CDH12: variants seen among roughly 807,000 people sequenced by gnomAD.
CDH12 encodes cadherin 12.
In CDH12, 41 loss-of-function variants were observed where a neutral mutation model predicts 74.1. The observed-to-expected ratio is 0.55, with a 90% CI of 0.43 to 0.72. The LOEUF is 0.72. Among genes scored for constraint, CDH12 ranks in the 30% least tolerant of loss-of-function variants. The pLI is 0.00. For missense variants in CDH12, 945 were observed against 977.2 expected (o/e 0.97, Z 0.44); for synonymous variants, 399 against 355.0 (o/e 1.12, Z -1.39).
intron 1 of CDH12, among the ~76,000 whole-genome samples, chr5:22,529,150 TATATATACAC>T (rs1308625455): frequency 9.0e-6 from 1 of 111,450 alleles, no homozygotes; most frequent in Non-Finnish European, 1.9e-5. Context: ...TATATACACA[TATATATACAC>T]ATGTGTATAT....
At chr5:22,270,792 C>T (rs534754184) in intron 3 of CDH12, among the ~76,000 whole-genome samples, 79 of 152,060 alleles carry the variant, frequency 5.2e-4, no homozygotes, top group Non-Finnish European at 9.9e-4. Context: ...CTGCTTCAGC[C>T]TCCAAAGTAG....
chr5:22,811,024 T>G (rs965281827), intron 1 of CDH12, among the ~76,000 whole-genome samples: 1 of 151,548 alleles, frequency 6.6e-6, no homozygotes, highest in Non-Finnish European at 1.5e-5. Context: ...TATATACATA[T>G]GTACATACAT....
chr5:22,143,997 T>C (rs193237463), intron 4 of CDH12: 321 of 152,190 alleles, frequency 2.1e-3, no homozygotes, highest in African/African-American at 7.3e-3. Flanking sequence ...AACCAGTAAA[T>C]TGCAGATTCT....
At chr5:22,508,497 C>A (rs962860344) in intron 1 of CDH12, among the ~76,000 whole-genome samples, 1 of 152,102 alleles carries the variant, frequency 6.6e-6, no homozygotes, top group Non-Finnish European at 1.5e-5. Context: ...ATAGGTAGAT[C>A]TTTTTCTTCC....
intron 3 of CDH12, among the ~76,000 whole-genome samples, chr5:22,320,932 C>T (rs1052927554): frequency 2.0e-5 from 3 of 152,120 alleles, no homozygotes; most frequent in Non-Finnish European, 4.4e-5. Context: ...TGCAGTGTAT[C>T]ACAGTTCAAC....
intron 4 of CDH12, among the ~76,000 whole-genome samples, chr5:22,154,554 CAT>C (rs1169853012): frequency 6.1e-5 from 9 of 148,504 alleles, no homozygotes; most frequent in Admixed American, 2.7e-4. Context: ...TATGTGTACA[CAT>C]ATATATACAC....
intron 6 of CDH12, among the ~76,000 whole-genome samples, chr5:21,855,076 C>T (rs1335376577): frequency 6.6e-6 from 1 of 151,530 alleles, no homozygotes; most frequent in African/African-American, 2.4e-5. Flanking sequence ...ATTGGCACAC[C>T]AAAGAAAGCA....
chr5:21,856,863 A>G (rs920207478), intron 6 of CDH12, among the ~76,000 whole-genome samples: 10 of 151,874 alleles, frequency 6.6e-5, no homozygotes, highest in Admixed American at 5.9e-4. Context: ...TATCTATAGA[A>G]TTAAAAGTAA....
At chr5:22,120,712 C>T (rs1001630177) in intron 4 of CDH12, among the ~76,000 whole-genome samples, 5 of 152,062 alleles carry the variant, frequency 3.3e-5, no homozygotes, top group Admixed American at 1.3e-4. Flanking sequence ...ATTTTGTTTA[C>T]TTTTCTTTCT....
intron 1 of CDH12, among the ~76,000 whole-genome samples, chr5:22,846,053 G>A (rs180972959): frequency 6.6e-5 from 10 of 152,262 alleles, no homozygotes; most frequent in Non-Finnish European, 1.3e-4. Flanking sequence ...AGGAAGTCAG[G>A]AAGCAGTAGA....
At chr5:21,805,650 C>T (rs1281641885) in intron 9 of CDH12, among the ~76,000 whole-genome samples, 1 of 152,074 alleles carries the variant, frequency 6.6e-6, no homozygotes, top group Non-Finnish European at 1.5e-5. Flanking sequence ...GCAAAGAGAA[C>T]CAGCAGTGAT....
At chr5:22,306,060 C>G (rs1014239785) in intron 3 of CDH12, among the ~76,000 whole-genome samples, 1 of 152,136 alleles carries the variant, frequency 6.6e-6, no homozygotes, top group Non-Finnish European at 1.5e-5. Context: ...TTATAATTCT[C>G]TCCCTGTGCC....
chr5:22,387,533 T>C (rs1742050573), intron 3 of CDH12, among the ~76,000 whole-genome samples: 1 of 152,164 alleles, frequency 6.6e-6, no homozygotes, highest in Non-Finnish European at 1.5e-5. Flanking sequence ...ATTGACTTTG[T>C]AGCACAAAAG....
chr5:21,751,808 C>T lies in CDH12; in HGVS notation c.2314G>A (p.Gly772Arg), dbSNP rs1480755850. 4 of 1,614,010 alleles carry T rather than the reference C, an allele frequency of 2.5e-6. No individual in the cohort carries two copies. The highest frequency in any genetic ancestry group is 1.1e-5 in the South Asian group (1 of 91,068). The stretch of plus-strand genomic sequence containing the variant: ...TCTGCCAAGACTTTAAAGCGGGGTC[C>T]CCAGTCTGTCAGATAGTCATAGTCC... ...DQDYDYLTDWGPRFKVLADMF... is the reference protein window; with the variant it reads ...DQDYDYLTDWRPRFKVLADMF... Residue 772 changes from glycine (G) to arginine (R), a missense_variant, in exon 15 of 15, where the codon GGA becomes AGA. This residue lies in a region of CDH12 where 791 missense variants were observed against 792.8 expected (regional missense o/e 1.00). Transcript: ENST00000382254.
intron 1 of CDH12, among the ~76,000 whole-genome samples, chr5:22,792,191 C>A (rs780890439): frequency 6.7e-6 from 1 of 150,036 alleles, no homozygotes; most frequent in African/African-American, 2.5e-5. Context: ...TGGGTTCAGG[C>A]GATTCTCCTG....
At chr5:22,822,737 G>A (rs1267236940) in intron 1 of CDH12, among the ~76,000 whole-genome samples, 2 of 152,038 alleles carry the variant, frequency 1.3e-5, no homozygotes, top group South Asian at 2.1e-4. Context: ...GAAACAACAG[G>A]TGCTGGAGAG....
intron 12 of CDH12, among the ~76,000 whole-genome samples, chr5:21,760,969 A>G (rs1047432263): frequency 6.6e-6 from 1 of 152,182 alleles, no homozygotes; most frequent in Non-Finnish European, 1.5e-5. Context: ...ATTAAAATGT[A>G]CTTGCTTGCA....
chr5:22,327,288 A>G lies in CDH12; in HGVS notation c.-333+77969T>C, dbSNP rs1043382163. 2.0e-5 allele frequency among the ~76,000 whole-genome samples: 3 copies of G among 152,162 alleles called. No individual in the cohort carries two copies. The South Asian group carries it at 6.2e-4, about 31-fold the overall frequency. ...ATTTCTTCCCCAAAGACACAAAGTCATTTTTATTATAAAAAAATAAACAAA... is the reference window on the plus strand; with the variant it reads ...ATTTCTTCCCCAAAGACACAAAGTCGTTTTTATTATAAAAAAATAAACAAA... On this transcript the variant is annotated intron_variant, in intron 3 of 14. Coordinates refer to ENST00000382254, the MANE Select transcript of CDH12 (RefSeq NM_004061.5).
rs541716795 is a variant in CDH12 at position 22,346,054 on chromosome 5, C to A, written c.-333+59203G>T. Among the ~76,000 whole-genome samples the A allele has an allele frequency of 2.0e-4, 30 of 146,454 alleles. No homozygotes were observed. In the East Asian group the frequency reaches 5.6e-3, roughly 28 times the overall value. On this transcript the variant is annotated intron_variant, in intron 3 of 14. Transcript: ENST00000382254. ...CCGGGAGGGAGAGGTTGCAGTGAGC[C>A]GAAGTCGCACCATTGTACTCCATCC...
Sources: allele counts gnomAD v4.1 joint callset (sites outside exome capture counted in the v4.1 genomes callset), GRCh38; gene constraint gnomAD v4.1.1; regional missense constraint gnomAD v4.1.1; transcripts MANE v1.5; gene names NCBI Gene and HGNC (gene_info 2026-07-23, HGNC 2026-07-21).